COL23A1: variants seen among roughly 807,000 people sequenced by gnomAD.
COL23A1 encodes collagen alpha-1(XXIII) chain.
In COL23A1, 97 loss-of-function variants were observed where a neutral mutation model predicts 99.3. That is an observed-to-expected ratio of 0.98 (90% CI 0.83 to 1.16). The LOEUF (loss-of-function observed/expected upper bound fraction) is 1.16. Among genes scored for constraint, COL23A1 ranks in the 50% most tolerant of loss-of-function variants. COL23A1 has a pLI of 0.00. For synonymous variants in COL23A1, 320 were observed against 308.2 expected (o/e 1.04, Z -0.40); for missense variants, 762 against 757.4 (o/e 1.01, Z -0.07).
At chr5:178,509,030 A>G (rs1245864311) in intron 2 of COL23A1, among the ~76,000 whole-genome samples, 1 of 152,180 alleles carries the variant, frequency 6.6e-6, no homozygotes, top group Non-Finnish European at 1.5e-5. Context: ...AACAAAAATA[A>G]CACAAGGTCA....
chr5:178,515,886 C>T (rs955262807), intron 2 of COL23A1, among the ~76,000 whole-genome samples: 3 of 152,126 alleles, frequency 2.0e-5, no homozygotes, highest in Non-Finnish European at 4.4e-5. Context: ...CTCTCAGCTG[C>T]TGGATGGAGT....
chr5:178,456,980 G>T (rs1767833505), intron 2 of COL23A1, among the ~76,000 whole-genome samples: 1 of 152,110 alleles, frequency 6.6e-6, no homozygotes, highest in Non-Finnish European at 1.5e-5. Flanking sequence ...CCTGTTTTGG[G>T]TTTGTTTGGT....
intron 2 of COL23A1, among the ~76,000 whole-genome samples, chr5:178,322,776 G>C (rs1456162430): frequency 1.3e-5 from 2 of 152,212 alleles, no homozygotes; most frequent in East Asian, 3.8e-4. Context: ...CAGGCACTAG[G>C]GACCGGGAGT....
chr5:178,355,264 A>G (rs1761572566), intron 2 of COL23A1, among the ~76,000 whole-genome samples: 1 of 70,564 alleles, frequency 1.4e-5, no homozygotes. Context: ...CTGGGCCACA[A>G]AGAACCTCAA....
intron 3 of COL23A1, among the ~76,000 whole-genome samples, chr5:178,304,272 G>T (rs759155092): frequency 3.3e-5 from 5 of 152,178 alleles, no homozygotes; most frequent in Non-Finnish European, 7.3e-5. Flanking sequence ...GCTTTGGGAG[G>T]CCAAGGCGGG....
intron 2 of COL23A1, among the ~76,000 whole-genome samples, chr5:178,403,332 A>G (rs532369324): frequency 3.7e-4 from 56 of 152,310 alleles, no homozygotes; most frequent in Non-Finnish European, 6.3e-4. Context: ...CGGCTGAGCC[A>G]GACCTGACCC....
chr5:178,516,018 C>T (rs1759487059), intron 2 of COL23A1, among the ~76,000 whole-genome samples: 1 of 152,168 alleles, frequency 6.6e-6, no homozygotes, highest in African/African-American at 2.4e-5. Context: ...CTTTTTGTGT[C>T]TCTTTCTGTC....
intron 2 of COL23A1, among the ~76,000 whole-genome samples, chr5:178,326,521 G>A (rs896177170): frequency 1.3e-5 from 2 of 152,054 alleles, no homozygotes; most frequent in South Asian, 4.1e-4. Flanking sequence ...GACACCCTGA[G>A]AAGAAACCGT....
Position 178,376,653 on chromosome 5 carries a change from G to T in COL23A1, c.362-69734C>A, listed in dbSNP as rs181160779. The stretch of plus-strand genomic sequence containing the variant: ...CCATTTAATAGAAGAGAAATCGGAA[G>T]CTCTGAAAGGTGAGGGAACATGCCC... On this transcript the variant is annotated intron_variant, in intron 2 of 28. Transcript: ENST00000390654. Among the ~76,000 whole-genome samples, 290 of 152,348 alleles carry T rather than the reference G, an allele frequency of 1.9e-3. 1 individual carries two copies. The highest frequency in any genetic ancestry group is 6.7e-3 in the African/African-American group (279 of 41,582).
At chr5:178,311,071 C>A (rs918359803) in intron 2 of COL23A1, among the ~76,000 whole-genome samples, 6 of 152,034 alleles carry the variant, frequency 3.9e-5, no homozygotes, top group Non-Finnish European at 7.3e-5. Context: ...AGGCCACTGT[C>A]CCCCACTCTG....
At chr5:178,360,838 G>A (rs979002754) in intron 2 of COL23A1, among the ~76,000 whole-genome samples, 2 of 152,184 alleles carry the variant, frequency 1.3e-5, no homozygotes, top group African/African-American at 4.8e-5. Context: ...CACGTCCCTG[G>A]GCGGGCCAAC....
chr5:178,254,651 G>A (rs6872403), intron 16 of COL23A1, among the ~76,000 whole-genome samples: 2,171 of 152,262 alleles, frequency 0.014, 67 homozygotes, highest in African/African-American at 0.05. Context: ...AGGAGACACC[G>A]GTGGGAACAG....
chr5:178,548,816 T>A (rs893522004), intron 2 of COL23A1, among the ~76,000 whole-genome samples: 13 of 152,198 alleles, frequency 8.5e-5, no homozygotes, highest in African/African-American at 2.4e-4. Context: ...ACAGAATTTT[T>A]AAAAATGTCC....
At position 178,255,159 on chromosome 5, in the gene COL23A1, C is replaced by T; in HGVS notation, c.883-133G>A. On this transcript the variant is annotated intron_variant, in intron 15 of 28. Coordinates refer to ENST00000390654, the MANE Select transcript of COL23A1 (RefSeq NM_173465.4). The surrounding 1 kb of genome is among the most constrained non-coding windows in gnomAD (Gnocchi z 4.2). ...TCGTCACCCAGGCTGCACGCATGCC[C>T]CTCCCCAGGGTGGATGGAGGGAACG... 1.4e-6 allele frequency: 1 copy of T among 731,314 alleles called. No individual in the cohort carries two copies. Among genetic ancestry groups the T allele is most frequent in the Middle Eastern group, 2.6e-4 (1 of 3,866 alleles). 45.3% of individuals were successfully genotyped at this position (731,314 alleles called of 1,614,324 possible).
intron 1 of COL23A1, among the ~76,000 whole-genome samples, chr5:178,586,336 T>C (rs764094151): frequency 2.0e-5 from 3 of 151,896 alleles, no homozygotes; most frequent in Non-Finnish European, 4.4e-5. Context: ...GTGGAAGAGG[T>C]TGGATGACAG....
chr5:178,454,836 G>A (rs1767677857), intron 2 of COL23A1, among the ~76,000 whole-genome samples: 1 of 152,254 alleles, frequency 6.6e-6, no homozygotes, highest in Non-Finnish European at 1.5e-5. Context: ...ACCACAAATG[G>A]TGTGGGTTAA....
At chr5:178,344,237 C>T (rs1760835380) in intron 2 of COL23A1, among the ~76,000 whole-genome samples, 1 of 152,230 alleles carries the variant, frequency 6.6e-6, no homozygotes, top group Admixed American at 6.5e-5. Flanking sequence ...ATAGCTTACA[C>T]ACATCTTCAA....
intron 2 of COL23A1, among the ~76,000 whole-genome samples, chr5:178,518,376 A>G (rs1267768675): frequency 1.3e-5 from 2 of 151,058 alleles, no homozygotes; most frequent in Non-Finnish European, 2.9e-5. Flanking sequence ...CAAAGCAGCC[A>G]TTGTCATCCT....
In COL23A1 at chr5:178,502,210, C is replaced by T. The variant is rs575363467; in HGVS notation, c.361+58472G>A. 9.8e-5 allele frequency among the ~76,000 whole-genome samples: 15 copies of T among 152,340 alleles called. No homozygotes were observed. In the East Asian group the frequency reaches 2.3e-3, roughly 24 times the overall value. Reference sequence around the variant, plus strand: ...GCAGTGGCGTGATCTCGGCCCACTGCAAGCTCTGCCTCCCAGGTTCACGCC... The same window carrying T: ...GCAGTGGCGTGATCTCGGCCCACTGTAAGCTCTGCCTCCCAGGTTCACGCC... On this transcript the variant is annotated intron_variant, in intron 2 of 28. Coordinates refer to ENST00000390654, the MANE Select transcript of COL23A1 (RefSeq NM_173465.4).
Sources: gnomAD v4.1 joint callset for allele counts (sites outside exome capture counted in the v4.1 genomes callset) on GRCh38, gnomAD v4.1.1 for gene constraint, Gnocchi (gnomAD v3.1) non-coding constraint, MANE v1.5 for transcripts, NCBI Gene and HGNC (gene_info 2026-07-23, HGNC 2026-07-21) for gene names.